KCTD8: variants seen among roughly 807,000 people sequenced by gnomAD.
KCTD8 encodes the protein potassium channel tetramerization domain containing 8.
KCTD8 carries 27 observed loss-of-function variants against 31.5 expected under a neutral mutation model. The ratio of observed to expected loss-of-function variants is 0.86; its 90% CI spans 0.63 to 1.18. KCTD8 has a LOEUF of 1.18. Among genes scored for constraint, KCTD8 ranks in the 50% most tolerant of loss-of-function variants. The pLI is 0.00. For synonymous variants in KCTD8, 290 were observed against 280.0 expected (o/e 1.04, Z -0.36); for missense variants, 658 against 647.7 (o/e 1.02, Z -0.17).
intron 1 of KCTD8, among the ~76,000 whole-genome samples, chr4:44,271,648 G>C (rs564655559): frequency 6.6e-6 from 1 of 152,236 alleles, no homozygotes; most frequent in African/African-American, 2.4e-5. Flanking sequence ...CTGCTTAAAG[G>C]CATTCTTAAG....
At chr4:44,413,465 A>C (rs1483866984) in intron 1 of KCTD8, among the ~76,000 whole-genome samples, 1 of 152,158 alleles carries the variant, frequency 6.6e-6, no homozygotes, top group Non-Finnish European at 1.5e-5. Flanking sequence ...TTGGTAAAAG[A>C]ATTACTTGAA....
intron 1 of KCTD8, among the ~76,000 whole-genome samples, chr4:44,426,483 A>C (rs912674628): frequency 2.0e-5 from 3 of 151,746 alleles, no homozygotes; most frequent in African/African-American, 7.2e-5. Context: ...AGAGAAAGAG[A>C]GAGATAATAG....
At chr4:44,245,427 T>G (rs973152098) in intron 1 of KCTD8, among the ~76,000 whole-genome samples, 5 of 152,084 alleles carry the variant, frequency 3.3e-5, no homozygotes, top group African/African-American at 1.2e-4. Context: ...TAGCAATCTG[T>G]CTACTCTTAT....
intron 1 of KCTD8, among the ~76,000 whole-genome samples, chr4:44,261,510 G>C (rs1560408875): frequency 6.6e-6 from 1 of 151,874 alleles, no homozygotes; most frequent in Non-Finnish European, 1.5e-5. Flanking sequence ...ACTAACTATA[G>C]TCATCATGCT....
Position 44,174,986 on chromosome 4 carries a change from T to G in KCTD8, c.1226A>C (p.Asn409Thr), listed in dbSNP as rs1713161805. The G allele has an allele frequency of 1.8e-5, 29 of 1,614,164 alleles. No individual in the cohort carries two copies. The highest frequency in any genetic ancestry group is 2.3e-5 in the Non-Finnish European group (27 of 1,180,004). The change falls in exon 2 of 2, where the codon AAC becomes ACC. Residue 409 changes from asparagine to threonine, a missense_variant. Transcript: ENST00000360029. Reference protein sequence around the residue: ...QWIPPPDKRRNSELFQTLISK... With the variant: ...QWIPPPDKRRTSELFQTLISK... ...GATGAGGGTCTGAAAGAGTTCACTG[T>G]TTCTGCGTTTGTCTGGTGGGGGTAT...
At chr4:44,371,163 T>C (rs1226771355) in intron 1 of KCTD8, among the ~76,000 whole-genome samples, 1 of 152,060 alleles carries the variant, frequency 6.6e-6, no homozygotes, top group African/African-American at 2.4e-5. Flanking sequence ...ATAAGGTGAT[T>C]TTGCCCTTTC....
At position 44,174,100 on chromosome 4, in the gene KCTD8, G is replaced by A. The variant is rs890874085; in HGVS notation, c.*690C>T. 6 of 151,910 alleles carry A rather than the reference G, an allele frequency of 3.9e-5. No individual in the cohort carries two copies. The highest frequency in any genetic ancestry group is 9.7e-5 in the African/African-American group (4 of 41,336). 9.4% of individuals were successfully genotyped at this position (151,910 alleles called of 1,614,324 possible). On this transcript the variant is annotated 3_prime_UTR_variant, in exon 2 of 2. Transcript: ENST00000360029. The stretch of plus-strand genomic sequence containing the variant: ...GTTGATGCCATAAATAACAGTATAA[G>A]GCATATTTACACCATCTTAATATAC...
intron 1 of KCTD8, among the ~76,000 whole-genome samples, chr4:44,336,361 G>T (rs56276101): frequency 0.029 from 4,459 of 151,476 alleles, 236 homozygotes; most frequent in African/African-American, 0.1. Context: ...CATCTTCACA[G>T]AATTGAAAAT....
At chr4:44,426,510 G>A (rs1273582062) in intron 1 of KCTD8, among the ~76,000 whole-genome samples, 1 of 151,570 alleles carries the variant, frequency 6.6e-6, no homozygotes, top group African/African-American at 2.4e-5. Context: ...CCAAAAAACA[G>A]AAGTTGACAG....
At chr4:44,295,855 A>G (rs1238359038) in intron 1 of KCTD8, among the ~76,000 whole-genome samples, 2 of 152,328 alleles carry the variant, frequency 1.3e-5, no homozygotes, top group Non-Finnish European at 2.9e-5. Context: ...AGCAATATGC[A>G]ATTATTAATA....
chr4:44,302,637 C>G lies in KCTD8; in HGVS notation c.962-127387G>C, dbSNP rs995986862. 1.0e-3 allele frequency among the ~76,000 whole-genome samples: 154 copies of G among 152,058 alleles called. 1 individual carries two copies. The highest frequency in any genetic ancestry group is 1.4e-3 in the Non-Finnish European group (97 of 67,978). ...TTTTGGGCTGAGACAATGGGGTTTTCTAGATATACAATCATGTCGTCTGCA... is the reference window on the plus strand; with the variant it reads ...TTTTGGGCTGAGACAATGGGGTTTTGTAGATATACAATCATGTCGTCTGCA... On this transcript the variant is annotated intron_variant, in intron 1 of 1. Coordinates refer to ENST00000360029, the MANE Select transcript of KCTD8 (RefSeq NM_198353.3).
In KCTD8 at chr4:44,421,669, C is replaced by G. The variant is rs1472048173; in HGVS notation, c.961+25894G>C. Among the ~76,000 whole-genome samples, 4 of 152,094 alleles carry G rather than the reference C, an allele frequency of 2.6e-5. No individual in the cohort carries two copies. The East Asian group carries it at 7.7e-4, about 29-fold the overall frequency. ...GAGAGCCCTTATTCATACAGATTCT[C>G]AAAGGTTAAATTACAACATATGCAC... is the stretch of plus-strand genomic sequence containing the variant. On this transcript the variant is annotated intron_variant, in intron 1 of 1. Transcript: ENST00000360029.
At chr4:44,358,011 C>T (rs1719389613) in intron 1 of KCTD8, among the ~76,000 whole-genome samples, 1 of 152,058 alleles carries the variant, frequency 6.6e-6, no homozygotes, top group Non-Finnish European at 1.5e-5. Context: ...AACCCATCAT[C>T]TACATTAGGT....
chr4:44,246,473 T>G (rs1715669713), intron 1 of KCTD8, among the ~76,000 whole-genome samples: 1 of 152,090 alleles, frequency 6.6e-6, no homozygotes, highest in Non-Finnish European at 1.5e-5. Flanking sequence ...TCCTAAATTT[T>G]TACCTACAAA....
chr4:44,229,966 C>A (rs1350730202), intron 1 of KCTD8, among the ~76,000 whole-genome samples: 1 of 151,814 alleles, frequency 6.6e-6, no homozygotes, highest in African/African-American at 2.4e-5. Flanking sequence ...TCCTAATGCT[C>A]TCCCTCCCCC....
intron 1 of KCTD8, among the ~76,000 whole-genome samples, chr4:44,343,520 A>G (rs1718959826): frequency 6.6e-6 from 1 of 152,196 alleles, no homozygotes; most frequent in Non-Finnish European, 1.5e-5. Context: ...ACTCAGAGAC[A>G]TGAAGTGAGC....
At chr4:44,339,371 G>A (rs1390747148) in intron 1 of KCTD8, among the ~76,000 whole-genome samples, 1 of 152,028 alleles carries the variant, frequency 6.6e-6, no homozygotes, top group African/African-American at 2.4e-5. Context: ...TACAGCAAAA[G>A]ACACAACTTG....
At chr4:44,231,217 A>G (rs1199772521) in intron 1 of KCTD8, among the ~76,000 whole-genome samples, 2 of 152,120 alleles carry the variant, frequency 1.3e-5, no homozygotes, top group Admixed American at 6.6e-5. Context: ...AAGATCATAT[A>G]TCTCACCTCA....
At chr4:44,179,375 T>G (rs1189414865) in intron 1 of KCTD8, among the ~76,000 whole-genome samples, 1 of 151,290 alleles carries the variant, frequency 6.6e-6, no homozygotes, top group Non-Finnish European at 1.5e-5. Flanking sequence ...TCAAGAACTA[T>G]GAAGAAAAGG....
Sources: gnomAD v4.1 joint callset for allele counts (sites outside exome capture counted in the v4.1 genomes callset) on GRCh38, gnomAD v4.1.1 for gene constraint, MANE v1.5 for transcripts, NCBI Gene and HGNC (gene_info 2026-07-23, HGNC 2026-07-21) for gene names.